ZFPM2: variants seen among roughly 807,000 people sequenced by gnomAD.
ZFPM2 encodes the protein zinc finger protein ZFPM2.
ZFPM2 carries 20 observed loss-of-function variants against 98.6 expected under a neutral mutation model. The ratio of observed to expected loss-of-function variants is 0.20; its 90% confidence interval spans 0.14 to 0.29. The LOEUF is 0.29. Ranked by LOEUF, ZFPM2 falls within the 10% of genes least tolerant of loss-of-function variation. The pLI is 1.00. For synonymous variants in ZFPM2, 518 were observed against 502.7 expected (o/e 1.03, Z -0.41); for missense variants, 1,310 against 1,388.6 (o/e 0.94, Z 0.90).
At chr8:105,795,487 G>C (rs556043920) in intron 6 of ZFPM2, among the ~76,000 whole-genome samples, 1 of 150,766 alleles carries the variant, frequency 6.6e-6, no homozygotes, top group Non-Finnish European at 1.5e-5. Flanking sequence ...TTTAAGGGCC[G>C]TAGACTTAAA....
intron 4 of ZFPM2, among the ~76,000 whole-genome samples, chr8:105,606,818 A>G (rs898511432): frequency 5.3e-5 from 8 of 152,146 alleles, no homozygotes; most frequent in African/African-American, 1.9e-4. Context: ...GAGAAACAAC[A>G]TAGCTGATCA....
chr8:105,695,378 ATTTTTTT>A (rs1165726984), intron 5 of ZFPM2, among the ~76,000 whole-genome samples: 6,294 of 74,834 alleles, frequency 0.084, 173 homozygotes, highest in Non-Finnish European at 0.12. Flanking sequence ...AATGGTTTGT[ATTTTTTT>A]TTTTTTTTTT....
chr8:105,758,597 AT>A (rs1463953422), intron 5 of ZFPM2, among the ~76,000 whole-genome samples: 3 of 151,986 alleles, frequency 2.0e-5, no homozygotes, highest in Admixed American at 6.6e-5. Flanking sequence ...CAGTCATTTG[AT>A]TTTTTTTAAC....
intron 1 of ZFPM2, among the ~76,000 whole-genome samples, chr8:105,395,729 A>T (rs1405371899): frequency 6.6e-6 from 1 of 152,226 alleles, no homozygotes; most frequent in South Asian, 2.1e-4. Context: ...CATTCGTAAC[A>T]TAATTGGACA....
chr8:105,733,812 C>T (rs900899659), intron 5 of ZFPM2, among the ~76,000 whole-genome samples: 1 of 151,852 alleles, frequency 6.6e-6, no homozygotes, highest in Non-Finnish European at 1.5e-5. Flanking sequence ...ATCCCTATTA[C>T]CACTCTAATA....
intron 2 of ZFPM2, among the ~76,000 whole-genome samples, chr8:105,433,219 AGTT>A (rs1586368171): frequency 6.6e-6 from 1 of 152,220 alleles, no homozygotes; most frequent in African/African-American, 2.4e-5. Flanking sequence ...ACCGATGAAA[AGTT>A]GTCTTATTTC....
chr8:105,686,106 A>T lies in ZFPM2; in HGVS notation c.532+51749A>T, dbSNP rs140406033. Among the ~76,000 whole-genome samples the T allele has an allele frequency of 1.5e-3, 225 of 152,264 alleles. 1 individual carries two copies. Among genetic ancestry groups the T allele is most frequent in the African/African-American group, 5.1e-3 (213 of 41,580 alleles). On this transcript the variant is annotated intron_variant, in intron 5 of 7. Transcript: ENST00000407775. ...CTTTATTGAATTTCTATATTTCTGTACTAAGAAGCTCAAAGCACTTCTCAT... is the reference window on the plus strand; with the variant it reads ...CTTTATTGAATTTCTATATTTCTGTTCTAAGAAGCTCAAAGCACTTCTCAT...
At chr8:105,705,472 A>G (rs967955755) in intron 5 of ZFPM2, among the ~76,000 whole-genome samples, 1 of 152,190 alleles carries the variant, frequency 6.6e-6, no homozygotes, top group African/African-American at 2.4e-5. Context: ...GGAAGGGTCT[A>G]TGTAAAGATG....
intron 3 of ZFPM2, among the ~76,000 whole-genome samples, chr8:105,527,756 C>T (rs1297187759): frequency 6.6e-6 from 1 of 152,142 alleles, no homozygotes; most frequent in Non-Finnish European, 1.5e-5. Context: ...TGCAGTGTCT[C>T]AGGACCCCTA....
Position 105,803,656 on chromosome 8 carries a change from G to A in ZFPM2, c.*118G>A, listed in dbSNP as rs1814117680. 9.7e-7 allele frequency: 1 copy of A among 1,025,956 alleles called. No homozygotes were observed. Among genetic ancestry groups the A allele is most frequent in the Admixed American group, 2.2e-5 (1 of 44,822 alleles). 63.6% of individuals were successfully genotyped at this position (1,025,956 alleles called of 1,614,324 possible). On this transcript the variant is annotated 3_prime_UTR_variant, in exon 8 of 8. Coordinates refer to ENST00000407775, the MANE Select transcript of ZFPM2 (RefSeq NM_012082.4). ...GGCAATCAGGAGATAATTCATTATGGCTGAGTTGAAGACTTAAGGTGTAAT... is the reference window on the plus strand; with the variant it reads ...GGCAATCAGGAGATAATTCATTATGACTGAGTTGAAGACTTAAGGTGTAAT...
chr8:105,370,473 A>C (rs1472719199), intron 1 of ZFPM2, among the ~76,000 whole-genome samples: 1 of 152,240 alleles, frequency 6.6e-6, no homozygotes, highest in Admixed American at 6.5e-5. Flanking sequence ...GTTGGGCTAC[A>C]TAAACTTTAT....
chr8:105,662,831 C>T (rs1181863171), intron 5 of ZFPM2: 1 of 151,984 alleles, frequency 6.6e-6, no homozygotes, highest in African/African-American at 2.4e-5. Context: ...GGGGCTGTCC[C>T]TTCTGATGCC....
chr8:105,420,413 A>G (rs1163855641), intron 2 of ZFPM2, among the ~76,000 whole-genome samples: 4 of 152,134 alleles, frequency 2.6e-5, no homozygotes, highest in Non-Finnish European at 4.4e-5. Context: ...AAAAGATGTC[A>G]GTCAGCTCCC....
At chr8:105,446,965 G>A (rs1812386090) in intron 3 of ZFPM2, among the ~76,000 whole-genome samples, 1 of 152,100 alleles carries the variant, frequency 6.6e-6, no homozygotes, top group African/African-American at 2.4e-5. Context: ...TGCATAAACA[G>A]CAATTACTTT....
intron 1 of ZFPM2, among the ~76,000 whole-genome samples, chr8:105,339,899 C>T (rs1036577355): frequency 1.4e-4 from 21 of 151,988 alleles, no homozygotes; most frequent in Non-Finnish European, 2.9e-4. Context: ...TCTTTGTTTT[C>T]GTTAGTGCGA....
rs567663470 is a variant in ZFPM2, at chr8:105,484,938, G to C, written c.301+40557G>C. Among the ~76,000 whole-genome samples the C allele has an allele frequency of 2.0e-5, 3 of 152,296 alleles. 1 individual carries two copies. Among genetic ancestry groups the C allele is most frequent in the African/African-American group, 7.2e-5 (3 of 41,562 alleles). ...TTATTAAAGGAGGTTTGGATTCTCA[G>C]AGATAGGACAATATAAACTCTACAG... is the stretch of plus-strand genomic sequence containing the variant. On this transcript the variant is annotated intron_variant, in intron 3 of 7. Transcript: ENST00000407775.
chr8:105,481,229 C>T (rs1382883056), intron 3 of ZFPM2, among the ~76,000 whole-genome samples: 2 of 151,996 alleles, frequency 1.3e-5, no homozygotes, highest in Non-Finnish European at 2.9e-5. Context: ...CCTTAATTTT[C>T]TCTATTTGTT....
chr8:105,491,913 T>A (rs1171844984), intron 3 of ZFPM2, among the ~76,000 whole-genome samples: 1 of 152,148 alleles, frequency 6.6e-6, no homozygotes, highest in African/African-American at 2.4e-5. Flanking sequence ...AAACTTAAAA[T>A]CCTGAATTTT....
At chr8:105,480,972 G>A (rs1265547540) in intron 3 of ZFPM2, among the ~76,000 whole-genome samples, 3 of 152,004 alleles carry the variant, frequency 2.0e-5, no homozygotes, top group East Asian at 1.9e-4. Flanking sequence ...AGATGGTCTC[G>A]AACTCCTGAC....
Sources: allele counts gnomAD v4.1 joint callset (sites outside exome capture counted in the v4.1 genomes callset), GRCh38; gene constraint gnomAD v4.1.1; transcripts MANE v1.5; gene names NCBI Gene and HGNC (gene_info 2026-07-23, HGNC 2026-07-21).